Variants in FHIT observed in about 807,000 individuals in gnomAD.
FHIT encodes the protein bis(5'-adenosyl)-triphosphatase.
FHIT carries 19 observed loss-of-function variants against 17.9 expected under a neutral mutation model. The ratio of observed to expected loss-of-function variants is 1.06; its 90% CI spans 0.74 to 1.56. The LOEUF (loss-of-function observed/expected upper bound fraction) is 1.56. Ranked by LOEUF, FHIT falls within the 40% of genes most tolerant of loss-of-function variation. FHIT has a pLI of 0.00. For synonymous variants in FHIT, 81 were observed against 69.7 expected (o/e 1.16, Z -0.81); for missense variants, 248 against 189.2 (o/e 1.31, Z -1.82).
At chr3:60,456,812 G>T (rs1228734714) in intron 5 of FHIT, among the ~76,000 whole-genome samples, 2 of 152,074 alleles carry the variant, frequency 1.3e-5, no homozygotes, top group African/African-American at 4.8e-5. Flanking sequence ...ATATGGATCA[G>T]GAGGCATGAA....
At chr3:61,071,598 A>G (rs2106741002) in intron 2 of FHIT, among the ~76,000 whole-genome samples, 1 of 152,330 alleles carries the variant, frequency 6.6e-6, no homozygotes, top group South Asian at 2.1e-4. Context: ...TTATAGGAAA[A>G]TGTATAAAAA....
chr3:60,126,783 C>G (rs963893559), intron 5 of FHIT, among the ~76,000 whole-genome samples: 3 of 152,152 alleles, frequency 2.0e-5, no homozygotes, highest in Admixed American at 6.5e-5. Flanking sequence ...CCCAATCCTT[C>G]TCCCCATGCC....
At chr3:60,007,715 T>C (rs1699978820) in intron 7 of FHIT, among the ~76,000 whole-genome samples, 1 of 152,190 alleles carries the variant, frequency 6.6e-6, no homozygotes, top group Non-Finnish European at 1.5e-5. Flanking sequence ...CGGACAGTCA[T>C]GCAGAAGTAT....
intron 4 of FHIT, among the ~76,000 whole-genome samples, chr3:60,663,160 ATC>A (rs1448550195): frequency 3.0e-5 from 4 of 132,550 alleles, no homozygotes; most frequent in African/African-American, 1.2e-4. Flanking sequence ...GGAGATATAT[ATC>A]TCTTTAATGT....
intron 4 of FHIT, among the ~76,000 whole-genome samples, chr3:60,719,220 C>T (rs1397129762): frequency 1.3e-5 from 2 of 152,158 alleles, no homozygotes; most frequent in African/African-American, 2.4e-5. Context: ...GGTAGATGAT[C>T]TAATAAACCA....
intron 2 of FHIT, among the ~76,000 whole-genome samples, chr3:61,097,955 T>C (rs1176550197): frequency 6.6e-6 from 1 of 152,212 alleles, no homozygotes; most frequent in Non-Finnish European, 1.5e-5. Context: ...TTAGTTTAAT[T>C]AGATCTCATT....
At chr3:60,390,053 TTGA>T (rs1279037541) in intron 5 of FHIT, among the ~76,000 whole-genome samples, 2 of 152,266 alleles carry the variant, frequency 1.3e-5, no homozygotes, top group East Asian at 3.9e-4. Flanking sequence ...AAAACTGTTG[TTGA>T]TGAAGTGACA....
chr3:60,390,396 T>TAAAAAAAAAAAAAAAAAAAAAAAAA (rs869078939), intron 5 of FHIT, among the ~76,000 whole-genome samples: 5 of 32,026 alleles, frequency 1.6e-4, no homozygotes, highest in African/African-American at 4.9e-4. Context: ...GTAATGGAGC[T>TAAAAAAAAAAAAAAAAAAAAAAAAA]AAAAAAAAAA....
At chr3:60,651,806 T>C (rs2039997710) in intron 4 of FHIT, among the ~76,000 whole-genome samples, 1 of 152,236 alleles carries the variant, frequency 6.6e-6, no homozygotes, top group South Asian at 2.1e-4. Flanking sequence ...TGGTATTTCT[T>C]TGACATGTGG....
At chr3:59,904,738 C>T (rs935776192) in intron 8 of FHIT, among the ~76,000 whole-genome samples, 15 of 152,150 alleles carry the variant, frequency 9.9e-5, no homozygotes, top group African/African-American at 3.4e-4. Context: ...AAGAATTTTA[C>T]TGAGTGACGA....
At chr3:61,210,972 T>C (rs530108744) in intron 1 of FHIT, among the ~76,000 whole-genome samples, 2 of 151,958 alleles carry the variant, frequency 1.3e-5, no homozygotes, top group Non-Finnish European at 2.9e-5. Context: ...TATTGACATA[T>C]AACAAATTAT....
At chr3:60,596,625 AC>A (rs2038279133) in intron 4 of FHIT, among the ~76,000 whole-genome samples, 1 of 152,050 alleles carries the variant, frequency 6.6e-6, no homozygotes. Context: ...AGGAATCTGC[AC>A]CCCTGTATTC....
intron 5 of FHIT, among the ~76,000 whole-genome samples, chr3:60,282,829 C>T (rs1707525931): frequency 6.6e-6 from 1 of 152,100 alleles, no homozygotes; most frequent in Non-Finnish European, 1.5e-5. Flanking sequence ...AGGATGATCT[C>T]TAGGCTCTGG....
chr3:60,290,101 T>TA (rs1284145634), intron 5 of FHIT, among the ~76,000 whole-genome samples: 1 of 152,190 alleles, frequency 6.6e-6, no homozygotes, highest in East Asian at 1.9e-4. Context: ...GCCAACTTTT[T>TA]AACCTCTTAT....
At chr3:60,026,906 C>G (rs1468992451) in intron 5 of FHIT, among the ~76,000 whole-genome samples, 2 of 151,970 alleles carry the variant, frequency 1.3e-5, no homozygotes, top group Non-Finnish European at 2.9e-5. Flanking sequence ...TGAGAGCAGT[C>G]TAGCCAACAT....
At chr3:59,758,678 T>C (rs1396898853) in intron 8 of FHIT, among the ~76,000 whole-genome samples, 1 of 152,200 alleles carries the variant, frequency 6.6e-6, no homozygotes, top group African/African-American at 2.4e-5. Flanking sequence ...ATCATATTTA[T>C]TTTTAGGGAC....
intron 5 of FHIT, among the ~76,000 whole-genome samples, chr3:60,386,701 C>G (rs1485209610): frequency 6.6e-6 from 1 of 152,210 alleles, no homozygotes; most frequent in Admixed American, 6.5e-5. Flanking sequence ...CTAGTCTAAT[C>G]TCAGTACTCT....
At chr3:59,923,238 A>C (rs2107195816) in intron 7 of FHIT, among the ~76,000 whole-genome samples, 1 of 151,296 alleles carries the variant, frequency 6.6e-6, no homozygotes, top group South Asian at 2.1e-4. Context: ...AAAAAAAAAA[A>C]AAAAAAAAAA....
intron 5 of FHIT, among the ~76,000 whole-genome samples, chr3:60,307,840 A>G (rs928128766): frequency 7.1e-5 from 7 of 98,094 alleles, no homozygotes; most frequent in African/African-American, 2.5e-4. Flanking sequence ...TGGCCAAGGT[A>G]GAGAAGGTGA....
Sources: gnomAD v4.1 joint callset for allele counts (sites outside exome capture counted in the v4.1 genomes callset) on GRCh38, gnomAD v4.1.1 for gene constraint, MANE v1.5 for transcripts, NCBI Gene and HGNC (gene_info 2026-07-23, HGNC 2026-07-21) for gene names.